TANC1: variants seen among roughly 807,000 people sequenced by gnomAD.
TANC1 encodes protein TANC1.
In TANC1, 77 loss-of-function variants were observed where a neutral mutation model predicts 149.7. That is an observed-to-expected ratio of 0.51 (90% CI 0.43 to 0.62). The LOEUF is 0.62. Ranked by LOEUF, TANC1 falls within the 20% of genes least tolerant of loss-of-function variation. The probability of loss-of-function intolerance (pLI) is 0.00; values close to 1 mark genes in which losing one functional copy is unlikely to be tolerated. For missense variants in TANC1, 1,985 were observed against 2,321.8 expected, an observed-to-expected ratio of 0.85 and a Z score of 2.98; for synonymous variants, 854 against 925.0, an observed-to-expected ratio of 0.92 and a Z score of 1.39.
At chr2:159,102,614 G>T (rs1423277286) in intron 4 of TANC1, among the ~76,000 whole-genome samples, 2 of 125,916 alleles carry the variant, frequency 1.6e-5, no homozygotes, top group African/African-American at 5.9e-5. Context: ...ATTTTATCAC[G>T]AGCAATTTCC....
intron 1 of TANC1, among the ~76,000 whole-genome samples, chr2:158,981,365 G>A (rs897498279): frequency 5.3e-5 from 8 of 150,962 alleles, no homozygotes; most frequent in Non-Finnish European, 7.4e-5. Flanking sequence ...AGCCTGAGGC[G>A]GGAGGATTGC....
intron 2 of TANC1, among the ~76,000 whole-genome samples, chr2:159,040,159 G>T (rs2040515037): frequency 6.6e-6 from 1 of 152,052 alleles, no homozygotes. Flanking sequence ...TTTTATCAGA[G>T]ACTAGGATTG....
chr2:159,170,497 C>A, intron 9 of TANC1, 27 bp from the exon 10 acceptor site: 2 of 1,560,242 alleles, frequency 1.3e-6, no homozygotes, highest in South Asian at 2.4e-5. Flanking sequence ...TGACATTTTT[C>A]TAAAATTTTT....
At chr2:159,086,404 C>T (rs1246380598) in intron 3 of TANC1, among the ~76,000 whole-genome samples, 1 of 152,012 alleles carries the variant, frequency 6.6e-6, no homozygotes, top group East Asian at 1.9e-4. Context: ...TAGGAAAGAC[C>T]ATCTGACATT....
chr2:159,035,158 T>G (rs2040081680), intron 2 of TANC1, among the ~76,000 whole-genome samples: 1 of 152,206 alleles, frequency 6.6e-6, no homozygotes, highest in Admixed American at 6.5e-5. Flanking sequence ...TGTTCATCCT[T>G]GCAAGAAAGT....
In TANC1 at chr2:159,097,699, G is replaced by A. The variant is rs1361673440; in HGVS notation, c.124G>A (p.Val42Met). 6.2e-7 allele frequency: 1 copy of A among 1,614,170 alleles called. No homozygotes were observed. The highest frequency in any genetic ancestry group is 8.5e-7 in the Non-Finnish European group (1 of 1,180,040). Reference sequence around the variant, plus strand: ...CCTTGACCACAGTGCTGACTCTCCTGTGAGCAGTCTTCCCACAGCAGAGGA... The same window carrying A: ...CCTTGACCACAGTGCTGACTCTCCTATGAGCAGTCTTCCCACAGCAGAGGA... ...LHLDHSADSP[V>M]SSLPTAEDTY... The change falls in exon 4 of 27, where the codon GTG (valine) becomes ATG (methionine). Residue 42 changes from valine to methionine, a missense_variant. Physicochemically the swap from Val to Met is conservative, Grantham distance 21. Around this residue, in one of 3 missense-constraint regions of TANC1, gnomAD observed 557 missense variants for 612.9 expected, o/e 0.91. Transcript: ENST00000263635.
intron 3 of TANC1, among the ~76,000 whole-genome samples, chr2:159,077,553 C>T (rs1377371534): frequency 6.6e-6 from 1 of 152,118 alleles, no homozygotes; most frequent in Non-Finnish European, 1.5e-5. Context: ...ATACATATAT[C>T]GATCCTTAAG....
chr2:159,135,470 T>C (rs62171094), intron 4 of TANC1, among the ~76,000 whole-genome samples: 4,340 of 152,382 alleles, frequency 0.028, 86 homozygotes, highest in Non-Finnish European at 0.046. Flanking sequence ...TTTGAACGAC[T>C]GCCAAACTGT....
intron 15 of TANC1, among the ~76,000 whole-genome samples, chr2:159,186,548 G>C (rs552324077): frequency 9.5e-4 from 144 of 152,226 alleles, no homozygotes; most frequent in African/African-American, 3.3e-3. Context: ...GAGGCTGAGG[G>C]ATGAGAATCA....
At chr2:159,070,240 G>A (rs952447554) in intron 3 of TANC1, among the ~76,000 whole-genome samples, 2 of 151,788 alleles carry the variant, frequency 1.3e-5, no homozygotes, top group African/African-American at 4.8e-5. Flanking sequence ...AATCCCTAAT[G>A]AAATCCCCAA....
chr2:159,172,015 A>G, intron 10 of TANC1, 106 bp from the exon 11 acceptor site: 8 of 1,150,664 alleles, frequency 7.0e-6, no homozygotes, highest in South Asian at 1.5e-5. Flanking sequence ...GACCATGTTC[A>G]CTCCTTGCTT....
chr2:159,131,631 C>T (rs1440944382), intron 4 of TANC1, among the ~76,000 whole-genome samples: 3 of 151,820 alleles, frequency 2.0e-5, no homozygotes, highest in Admixed American at 2.0e-4. Context: ...GGCTCTTTCT[C>T]CTTTCCCCAC....
intron 2 of TANC1, among the ~76,000 whole-genome samples, chr2:159,058,569 C>G (rs184620322): frequency 1.3e-5 from 2 of 152,220 alleles, no homozygotes; most frequent in East Asian, 3.9e-4. Flanking sequence ...CATATTAGAA[C>G]AAGGCAGGAT....
intron 1 of TANC1, among the ~76,000 whole-genome samples, chr2:158,982,010 A>C (rs780760623): frequency 4.2e-4 from 63 of 151,172 alleles, no homozygotes; most frequent in Middle Eastern, 6.9e-3. Flanking sequence ...TAACTTTGCT[A>C]ACTTAATTTG....
intron 5 of TANC1, among the ~76,000 whole-genome samples, chr2:159,137,408 G>T (rs1254125001): frequency 3.3e-5 from 5 of 152,200 alleles, no homozygotes; most frequent in Non-Finnish European, 7.3e-5. Flanking sequence ...CAGGCACTGG[G>T]CACTCTGGGC....
intron 2 of TANC1, among the ~76,000 whole-genome samples, chr2:159,061,799 T>C (rs1415650364): frequency 2.6e-5 from 4 of 152,210 alleles, no homozygotes; most frequent in Non-Finnish European, 5.9e-5. Flanking sequence ...TCTGACGTTC[T>C]TCACATTTTC....
intron 3 of TANC1, among the ~76,000 whole-genome samples, chr2:159,080,379 A>G (rs960227846): frequency 6.6e-6 from 1 of 152,156 alleles, no homozygotes; most frequent in Non-Finnish European, 1.5e-5. Context: ...AGACTTGTTC[A>G]GTATTTGCCA....
At chr2:159,066,044 G>C in intron 3 of TANC1, 73 bp downstream of exon 3, 2 of 1,222,366 alleles carry the variant, frequency 1.6e-6, no homozygotes, top group African/African-American at 1.5e-5. Flanking sequence ...AGGCCGGATG[G>C]ATTTGTTGCT....
intron 1 of TANC1, among the ~76,000 whole-genome samples, chr2:158,977,249 G>T (rs2033794028): frequency 6.6e-6 from 1 of 151,868 alleles, no homozygotes; most frequent in Non-Finnish European, 1.5e-5. Flanking sequence ...AAGTGATCCT[G>T]TCCCCTCAGA....
Sources: allele counts gnomAD v4.1 joint callset (sites outside exome capture counted in the v4.1 genomes callset), GRCh38; gene constraint gnomAD v4.1.1; regional missense constraint gnomAD v4.1.1; transcripts MANE v1.5; gene names NCBI Gene and HGNC (gene_info 2026-07-23, HGNC 2026-07-21).